Variants in TMEM178B observed in about 807,000 individuals in gnomAD.
TMEM178B encodes the protein transmembrane protein 178B.
TMEM178B carries 5 observed loss-of-function variants against 31.0 expected under a neutral mutation model. The observed-to-expected ratio is 0.16, with a 90% confidence interval of 0.08 to 0.34. TMEM178B has a LOEUF of 0.34. TMEM178B is among the 10% of genes least tolerant of loss of function. The pLI, the probability that TMEM178B is intolerant of heterozygous loss-of-function variation, is 1.00. For missense variants in TMEM178B, 275 were observed against 400.3 expected, an observed-to-expected ratio of 0.69 and a Z score of 2.67; for synonymous variants, 164 against 164.0, an observed-to-expected ratio of 1.00 and a Z score of 0.00.
At chr7:141,187,712 A>T (rs933189416) in intron 1 of TMEM178B, among the ~76,000 whole-genome samples, 2 of 152,082 alleles carry the variant, frequency 1.3e-5, no homozygotes, top group Non-Finnish European at 2.9e-5. Context: ...GCATTTTTTC[A>T]TGTGTTGTTT....
intron 1 of TMEM178B, among the ~76,000 whole-genome samples, chr7:141,112,711 G>A (rs1474262671): frequency 6.6e-6 from 1 of 152,164 alleles, no homozygotes; most frequent in South Asian, 2.1e-4. Context: ...ATCTAAGAGG[G>A]TAAGTATTGC....
At chr7:141,180,070 A>G (rs1349139449) in intron 1 of TMEM178B, among the ~76,000 whole-genome samples, 1 of 152,234 alleles carries the variant, frequency 6.6e-6, no homozygotes, top group African/African-American at 2.4e-5. Flanking sequence ...CTGGTGGTCC[A>G]TAACTCTCCG....
At chr7:141,080,794 T>A (rs1794669568) in intron 1 of TMEM178B, among the ~76,000 whole-genome samples, 5 of 152,204 alleles carry the variant, frequency 3.3e-5, no homozygotes, top group African/African-American at 1.2e-4. Context: ...AAAGACAGAC[T>A]GCAGTGGTCT....
intron 2 of TMEM178B, among the ~76,000 whole-genome samples, chr7:141,250,974 T>C (rs1038498616): frequency 6.6e-6 from 1 of 152,150 alleles, no homozygotes; most frequent in African/African-American, 2.4e-5. Flanking sequence ...AAAGGAAAAC[T>C]CCTTTCCTCG....
chr7:141,324,715 C>T (rs1799160367), intron 2 of TMEM178B, among the ~76,000 whole-genome samples: 1 of 152,020 alleles, frequency 6.6e-6, no homozygotes, highest in South Asian at 2.1e-4. Context: ...CATATCATCC[C>T]TTTCAAGAAT....
At chr7:141,205,541 G>A (rs1325559126) in intron 1 of TMEM178B, among the ~76,000 whole-genome samples, 1 of 152,248 alleles carries the variant, frequency 6.6e-6, no homozygotes, top group African/African-American at 2.4e-5. Context: ...GGAGGAAGGG[G>A]ATCTGGGATC....
At chr7:141,324,757 C>G (rs1342545369) in intron 2 of TMEM178B, among the ~76,000 whole-genome samples, 1 of 152,014 alleles carries the variant, frequency 6.6e-6, no homozygotes, top group Non-Finnish European at 1.5e-5. Flanking sequence ...TGTGTGTGCA[C>G]GCACACATTT....
chr7:141,453,328 G>A (rs1306669629), intron 3 of TMEM178B, among the ~76,000 whole-genome samples: 1 of 152,180 alleles, frequency 6.6e-6, no homozygotes, highest in Non-Finnish European at 1.5e-5. Context: ...TTGGCCTTGG[G>A]TCCTTTCTGC....
the TMEM178B span, among the ~76,000 whole-genome samples, chr7:141,510,475 C>A: frequency 1.3e-5 from 2 of 151,772 alleles, no homozygotes; most frequent in South Asian, 4.2e-4. Flanking sequence ...TATCTGAGGT[C>A]GGGAGTTCAA....
rs1028290549 is a variant in TMEM178B at position 141,217,610 on chromosome 7, T to C, written c.496+4906T>C. On this transcript the variant is annotated intron_variant, in intron 2 of 3. Transcript: ENST00000565468. ...GCCTGGGTGACAGAGCGAGACTCCA[T>C]CTCAAATAATACCTGCCTGAGGTTG... Among the ~76,000 whole-genome samples the C allele has an allele frequency of 1.4e-4, 22 of 151,730 alleles. 1 individual carries two copies. The highest frequency in any genetic ancestry group is 1.3e-3 in the Admixed American group (20 of 15,236).
chr7:141,183,665 T>C (rs780037537), intron 1 of TMEM178B, among the ~76,000 whole-genome samples: 1 of 152,224 alleles, frequency 6.6e-6, no homozygotes, highest in Non-Finnish European at 1.5e-5. Context: ...ATAGATGACA[T>C]TGTTACCTGC....
intron 2 of TMEM178B, among the ~76,000 whole-genome samples, chr7:141,240,129 T>A (rs1797596003): frequency 6.6e-6 from 1 of 152,222 alleles, no homozygotes; most frequent in Non-Finnish European, 1.5e-5. Context: ...CAATTCAGAC[T>A]GGCTACATTT....
chr7:141,480,508 C>T (rs1178751658), downstream of TMEM178B: 3 of 150,668 alleles, frequency 2.0e-5, no homozygotes, highest in African/African-American at 7.5e-5. Context: ...AGATAACCAG[C>T]TGAAAACTTG....
intron 2 of TMEM178B, among the ~76,000 whole-genome samples, chr7:141,379,174 G>A (rs927974875): frequency 6.6e-6 from 1 of 152,038 alleles, no homozygotes; most frequent in Non-Finnish European, 1.5e-5. Context: ...TTCTAAAATG[G>A]CCAGACTGTA....
chr7:141,178,822 A>T (rs1796473210), intron 1 of TMEM178B, among the ~76,000 whole-genome samples: 1 of 152,174 alleles, frequency 6.6e-6, no homozygotes, highest in African/African-American at 2.4e-5. Context: ...CTTTCTGGTT[A>T]TAATTTTCCG....
chr7:141,127,745 A>G (rs1041767793), intron 1 of TMEM178B, among the ~76,000 whole-genome samples: 4 of 152,352 alleles, frequency 2.6e-5, no homozygotes, highest in African/African-American at 9.6e-5. Context: ...AACTAACACA[A>G]GCACTGTGGG....
intron 2 of TMEM178B, among the ~76,000 whole-genome samples, chr7:141,339,946 A>G (rs532547527): frequency 6.6e-6 from 1 of 152,404 alleles, no homozygotes; most frequent in South Asian, 2.1e-4. Context: ...AACCAGGATC[A>G]AATTAAAACA....
chr7:141,462,230 A>T (rs528447293), intron 3 of TMEM178B, among the ~76,000 whole-genome samples: 2 of 152,304 alleles, frequency 1.3e-5, no homozygotes, highest in South Asian at 4.1e-4. Flanking sequence ...AATTGCAGGC[A>T]AACTGGAATG....
intron 1 of TMEM178B, among the ~76,000 whole-genome samples, chr7:141,186,712 G>A (rs1214026748): frequency 1.3e-5 from 2 of 152,306 alleles, no homozygotes; most frequent in East Asian, 3.9e-4. Context: ...GTTTCTAGGG[G>A]ATGGAACTGT....
Sources: gnomAD v4.1 joint callset for allele counts (sites outside exome capture counted in the v4.1 genomes callset) on GRCh38, gnomAD v4.1.1 for gene constraint, MANE v1.5 for transcripts, NCBI Gene and HGNC (gene_info 2026-07-23, HGNC 2026-07-21) for gene names.